Variants in SLC18B1 observed in about 807,000 individuals in gnomAD.
The protein encoded by SLC18B1 is solute carrier family 18 member B1.
A neutral mutation model predicts 53.9 loss-of-function variants in SLC18B1; 62 were observed. The ratio of observed to expected loss-of-function variants is 1.15; its 90% CI spans 0.94 to 1.42. The LOEUF is 1.42. Among genes scored for constraint, SLC18B1 ranks in the 40% most tolerant of loss-of-function variants. SLC18B1 has a pLI of 0.00. For missense variants in SLC18B1, 598 were observed against 547.3 expected, an observed-to-expected ratio of 1.09 and a Z score of -0.93; for synonymous variants, 217 against 200.9, an observed-to-expected ratio of 1.08 and a Z score of -0.68.
rs1488607812 is a variant in SLC18B1, at chr6:132,790,174, T to A, written c.279+3A>T. 4 of 1,555,152 alleles carry A rather than the reference T, an allele frequency of 2.6e-6. No individual in the cohort carries two copies. The African/African-American group carries it at 5.5e-5, about 21-fold the overall frequency. On this transcript the variant is annotated splice_donor_region_variant and intron_variant, in intron 3 of 13. Coordinates refer to ENST00000275227, the MANE Select transcript of SLC18B1 (RefSeq NM_052831.3). ...AAGATGTGCATATGAACTTTATACTTACATAGTTTCCAAATACCAAGGATG... is the reference window on the plus strand; with the variant it reads ...AAGATGTGCATATGAACTTTATACTAACATAGTTTCCAAATACCAAGGATG...
intron 7 of SLC18B1, among the ~76,000 whole-genome samples, 173 bp downstream of exon 7, chr6:132,779,095 C>A (rs1190552460): frequency 6.6e-6 from 1 of 152,206 alleles, no homozygotes; most frequent in Non-Finnish European, 1.5e-5. Flanking sequence ...TTTACTGAAT[C>A]AGGTTCCTAG....
At chr6:132,788,370 T>TG (rs1380916555) in intron 4 of SLC18B1, among the ~76,000 whole-genome samples, 1 of 118,642 alleles carries the variant, frequency 8.4e-6, no homozygotes, top group African/African-American at 5.0e-5. Flanking sequence ...TAGAATATGA[T>TG]TTTTTTTAAA....
chr6:132,771,178 A>G (rs1162161854), intron 11 of SLC18B1, 49 bp from the exon 12 acceptor site: 1 of 1,504,312 alleles, frequency 6.6e-7, no homozygotes, highest in Non-Finnish European at 9.2e-7. Context: ...AAAATAAATA[A>G]TTACTTCATG....
intron 2 of SLC18B1, among the ~76,000 whole-genome samples, chr6:132,792,293 A>AAAGAAAGAAAGAT (rs1781559706): frequency 1.2e-5 from 1 of 82,238 alleles, no homozygotes; most frequent in African/African-American, 6.5e-5. Flanking sequence ...GGAAGAAAGG[A>AAAGAAAGAAAGAT]AGGAAGGAAG....
At chr6:132,777,480 G>A (rs866005702) in intron 7 of SLC18B1, among the ~76,000 whole-genome samples, 65 of 152,202 alleles carry the variant, frequency 4.3e-4, no homozygotes, top group African/African-American at 1.5e-3. Context: ...TTGGGAGGCC[G>A]AGGTGGGCAG....
chr6:132,787,633 T>TC, intron 4 of SLC18B1, 52 bp from the exon 5 acceptor site: 1 of 1,463,986 alleles, frequency 6.8e-7, no homozygotes, highest in Non-Finnish European at 9.0e-7. Flanking sequence ...TCTTTTTTTT[T>TC]TTTTCCTTTT....
chr6:132,797,503 C>G (rs769874810), intron 1 of SLC18B1, among the ~76,000 whole-genome samples: 1 of 152,158 alleles, frequency 6.6e-6, no homozygotes, highest in Non-Finnish European at 1.5e-5. Context: ...GAGGCTGAGG[C>G]AGGAGAATGG....
At position 132,790,200 on chromosome 6, in the gene SLC18B1, C is replaced by T. The variant is rs375662791; in HGVS notation, c.256G>A (p.Ala86Thr). ...FGCFALFELL[A>T]SLVFGNYLVH... ...ACATAGTTTCCAAATACCAAGGATG[C>T]CAGCAACTCGAACAAAGCAAAACAT... is the stretch of plus-strand genomic sequence containing the variant. The change falls in exon 3 of 14, where the codon GCA (alanine) becomes ACA (threonine). Residue 86 changes from alanine (A) to threonine (T), a missense_variant. By Grantham distance (58) the Ala-to-Thr change is moderately conservative. Transcript: ENST00000275227. 1.0e-4 allele frequency: 164 copies of T among 1,571,590 alleles called. No individual in the cohort carries two copies. The highest frequency in any genetic ancestry group is 1.4e-4 in the Non-Finnish European group (159 of 1,156,712).
At chr6:132,773,637 G>GT (rs1781033182) in intron 9 of SLC18B1, among the ~76,000 whole-genome samples, 1 of 152,164 alleles carries the variant, frequency 6.6e-6, no homozygotes. Flanking sequence ...AAGTTAAGTG[G>GT]TTTGCTTATT....
chr6:132,770,944 A>G lies in SLC18B1; in HGVS notation c.1255-5T>C. ...AAACAAGCCCATGGCTAATCCCTTAAACACAATTAAAAGTACTGATTAATG... is the reference window on the plus strand; with the variant it reads ...AAACAAGCCCATGGCTAATCCCTTAGACACAATTAAAAGTACTGATTAATG... On this transcript the variant is annotated splice_polypyrimidine_tract_variant and splice_region_variant and intron_variant, in intron 12 of 13. Transcript: ENST00000275227. The G allele has an allele frequency of 6.2e-7, 1 of 1,612,724 alleles. No individual in the cohort carries two copies. The highest frequency in any genetic ancestry group is 8.5e-7 in the Non-Finnish European group (1 of 1,179,616).
At chr6:132,791,074 A>G (rs1258447155) in intron 2 of SLC18B1, among the ~76,000 whole-genome samples, 1 of 152,240 alleles carries the variant, frequency 6.6e-6, no homozygotes, top group Non-Finnish European at 1.5e-5. Flanking sequence ...GAACTATTGC[A>G]AATCCTTAAA....
At chr6:132,778,091 G>A (rs1430069239) in intron 7 of SLC18B1, among the ~76,000 whole-genome samples, 1 of 152,178 alleles carries the variant, frequency 6.6e-6, no homozygotes, top group Non-Finnish European at 1.5e-5. Flanking sequence ...TTGCGGGCAG[G>A]GGCGAGGGAC....
intron 8 of SLC18B1, 115 bp from the exon 9 acceptor site, chr6:132,774,428 A>G: frequency 1.4e-6 from 1 of 712,694 alleles, no homozygotes. Context: ...ACCCAAATAC[A>G]ATGAAGAAAA....
At position 132,796,982 on chromosome 6, in the gene SLC18B1, C is replaced by G. The variant is rs761907892; in HGVS notation, c.183G>C (p.Glu61Asp). The G allele has an allele frequency of 1.2e-6, 2 of 1,611,198 alleles. No homozygotes were observed. The highest frequency in any genetic ancestry group is 1.7e-6 in the Non-Finnish European group (2 of 1,178,624). Reference protein sequence around the residue: ...YSILGPFFPKEAEKKGASNTI... With the variant: ...YSILGPFFPKDAEKKGASNTI... Reference sequence around the variant, plus strand: ...TCCTAAGGATTTAAAAATGTCTTACCTCTTTGGGGAAAAACGGTCCAAGTA... The same window carrying G: ...TCCTAAGGATTTAAAAATGTCTTACGTCTTTGGGGAAAAACGGTCCAAGTA... Residue 61 changes from glutamate (E) to aspartate (D), a missense_variant and splice_region_variant, in exon 2 of 14, where the codon GAG (glutamate) becomes GAC (aspartate). Glu to Asp is a conservative substitution (Grantham distance 45, BLOSUM62 2). Transcript: ENST00000275227.
At chr6:132,796,532 G>GAA (rs56286125) in intron 2 of SLC18B1, among the ~76,000 whole-genome samples, 278 of 77,858 alleles carry the variant, frequency 3.6e-3, no homozygotes, top group South Asian at 0.015. Flanking sequence ...GTCTCGAAAG[G>GAA]AAAAAAAAAA....
At chr6:132,779,008 AC>A (rs1562264416) in intron 7 of SLC18B1, among the ~76,000 whole-genome samples, 1 of 152,216 alleles carries the variant, frequency 6.6e-6, no homozygotes, top group Non-Finnish European at 1.5e-5. Context: ...CCCAAGCTAA[AC>A]CTACAATGAC....
At position 132,779,315 on chromosome 6, in the gene SLC18B1, A is replaced by C; in HGVS notation, c.748T>G (p.Cys250Gly). Residue 250 changes from cysteine (C) to glycine (G), a missense_variant, in exon 7 of 14, where the codon TGT (cysteine) becomes GGT (glycine). Cys to Gly is a radical substitution (Grantham distance 159). Coordinates refer to ENST00000275227, the MANE Select transcript of SLC18B1 (RefSeq NM_052831.3). ...IAFVINSLSS[C>G]FGFLDPTLSL... ...AGAGTAGGATCGAGGAAGCCAAAAC[A>C]CGAGCTGAGTGAGTTGATGACGAAG... is the stretch of plus-strand genomic sequence containing the variant. 1 of 1,614,116 alleles carries C rather than the reference A, an allele frequency of 6.2e-7. No homozygotes were observed. The highest frequency in any genetic ancestry group is 1.1e-5 in the South Asian group (1 of 91,078).
At chr6:132,796,237 C>T (rs1307473047) in intron 2 of SLC18B1, among the ~76,000 whole-genome samples, 2 of 150,270 alleles carry the variant, frequency 1.3e-5, no homozygotes, top group African/African-American at 4.9e-5. Context: ...TACCTGTAGT[C>T]CCAGCTACTT....
rs942443183 is a variant in SLC18B1 at position 132,770,136 on chromosome 6, C to T, written c.*134G>A. ...CCCAATACAGGATCATCCAAAAACACGTTGACACTTCCAAGACACTGGCAC... is the reference window on the plus strand; with the variant it reads ...CCCAATACAGGATCATCCAAAAACATGTTGACACTTCCAAGACACTGGCAC... On this transcript the variant is annotated 3_prime_UTR_variant, in exon 14 of 14. Transcript: ENST00000275227. 8.7e-6 allele frequency: 6 copies of T among 687,550 alleles called. No homozygotes were observed. The highest frequency in any genetic ancestry group is 7.5e-5 in the Admixed American group (3 of 40,156). The allele number at this position is 687,550 out of a possible 1,614,324, so 42.6% of individuals were successfully genotyped here.
Sources: gnomAD v4.1 joint callset for allele counts (sites outside exome capture counted in the v4.1 genomes callset) on GRCh38, gnomAD v4.1.1 for gene constraint, MANE v1.5 for transcripts, NCBI Gene and HGNC (gene_info 2026-07-23, HGNC 2026-07-21) for gene names.